PIEZO2: variants seen among roughly 807,000 people sequenced by gnomAD.
The protein encoded by PIEZO2 is piezo type mechanosensitive ion channel component 2, also known as piezo-type mechanosensitive ion channel component 2.
In PIEZO2, 172 loss-of-function variants were observed where a neutral mutation model predicts 337.3. The ratio of observed to expected loss-of-function variants is 0.51; its 90% CI spans 0.45 to 0.58. PIEZO2 has a LOEUF of 0.58. PIEZO2 is among the 20% of genes least tolerant of loss of function. The probability of loss-of-function intolerance (pLI) is 0.00; values close to 1 mark genes in which losing one functional copy is unlikely to be tolerated. For synonymous variants in PIEZO2, 1,251 were observed against 1,228.5 expected (o/e 1.02, Z -0.38); for missense variants, 3,028 against 3,391.3 (o/e 0.89, Z 2.66).
At chr18:10,747,348 G>A (rs920084251) in intron 30 of PIEZO2, among the ~76,000 whole-genome samples, 1 of 152,114 alleles carries the variant, frequency 6.6e-6, no homozygotes, top group Non-Finnish European at 1.5e-5. Context: ...GTTTTCAAGC[G>A]GAAGTCATCA....
intron 1 of PIEZO2, among the ~76,000 whole-genome samples, chr18:11,067,115 C>G (rs767706696): frequency 6.6e-6 from 1 of 152,012 alleles, no homozygotes; most frequent in Non-Finnish European, 1.5e-5. Flanking sequence ...AATGAAAAAA[C>G]TGAAGTACAA....
intron 4 of PIEZO2, among the ~76,000 whole-genome samples, chr18:10,892,464 C>G (rs1399935610): frequency 4.6e-5 from 7 of 151,994 alleles, no homozygotes; most frequent in Admixed American, 4.6e-4. Context: ...GTGGTTGCCA[C>G]GGGCTGGGGG....
intron 47 of PIEZO2, among the ~76,000 whole-genome samples, chr18:10,691,800 T>G (rs5823113): frequency 0.49 from 44,018 of 89,752 alleles, 9,678 homozygotes; most frequent in Non-Finnish European, 0.53. Flanking sequence ...TATATATATA[T>G]AGAGAGAGAG....
rs1316311622 is a variant in PIEZO2, at chr18:11,104,788, G to A, written c.65-38566C>T. Among the ~76,000 whole-genome samples the A allele has an allele frequency of 6.6e-6, 1 of 152,148 alleles. No individual in the cohort carries two copies. Among genetic ancestry groups the A allele is most frequent in the Non-Finnish European group, 1.5e-5 (1 of 68,024 alleles). ...GACATAACTACAATGCAGTATAACGGCGCCTGCTTCTCTTGGGGACCACTC... is the reference window on the plus strand; with the variant it reads ...GACATAACTACAATGCAGTATAACGACGCCTGCTTCTCTTGGGGACCACTC... On this transcript the variant is annotated intron_variant, in intron 1 of 55. Coordinates refer to ENST00000674853, the MANE Select transcript of PIEZO2 (RefSeq NM_001378183.1). This position sits in a 1 kb window ranked among gnomAD's most constrained non-coding sequence, Gnocchi z 4.6.
rs2032765128 is a variant in PIEZO2, at chr18:10,942,203, G to A, written c.287-30975C>T. On this transcript the variant is annotated intron_variant, in intron 3 of 55. Transcript: ENST00000674853. The surrounding 1 kb of genome is among the most constrained non-coding windows in gnomAD (Gnocchi z 4.4). ...TTCAGTAAATTGGTACCAGTAGGGT[G>A]GGGCGCTGCTGAAAAGATATCCCAA... Among the ~76,000 whole-genome samples the A allele has an allele frequency of 1.3e-5, 2 of 152,176 alleles. No individual in the cohort carries two copies. Among genetic ancestry groups the A allele is most frequent in the Non-Finnish European group, 2.9e-5 (2 of 68,030 alleles).
At chr18:10,864,805 C>T (rs1568142997) in intron 5 of PIEZO2, among the ~76,000 whole-genome samples, 1 of 152,006 alleles carries the variant, frequency 6.6e-6, no homozygotes, top group African/African-American at 2.4e-5. Flanking sequence ...TGGAGAAGAA[C>T]ATCTGTGCAA....
At chr18:10,976,430 T>C (rs2034443499) in intron 3 of PIEZO2, among the ~76,000 whole-genome samples, 1 of 152,240 alleles carries the variant, frequency 6.6e-6, no homozygotes, top group Admixed American at 6.5e-5. Context: ...CTCAAGTTTT[T>C]CTTTTTTCAC....
intron 4 of PIEZO2, among the ~76,000 whole-genome samples, chr18:10,876,346 C>T (rs570005115): frequency 1.3e-5 from 2 of 152,288 alleles, no homozygotes; most frequent in East Asian, 3.9e-4. Flanking sequence ...CCATTTCTTA[C>T]CAGTTTCTTC....
intron 3 of PIEZO2, among the ~76,000 whole-genome samples, chr18:10,939,729 GACACAGGGAGGGGA>G (rs1336134508): frequency 2.0e-5 from 3 of 152,140 alleles, no homozygotes; most frequent in Non-Finnish European, 2.9e-5. Flanking sequence ...AGAACACATG[GACACAGGGAGGGGA>G]ACAGCACACA....
At chr18:10,697,603 A>G in intron 45 of PIEZO2, 145 bp downstream of exon 45, 2 of 1,090,146 alleles carry the variant, frequency 1.8e-6, no homozygotes, top group East Asian at 2.5e-5. Context: ...AAACAAGACA[A>G]AAAGGGGTAA....
intron 2 of PIEZO2, among the ~76,000 whole-genome samples, chr18:11,015,400 T>C (rs1303224743): frequency 9.9e-5 from 15 of 152,194 alleles, no homozygotes; most frequent in Admixed American, 9.8e-4. Flanking sequence ...CAAACCTCCC[T>C]GATTTCATGG....
chr18:10,908,520 A>G, intron 4 of PIEZO2: 1 of 152,260 alleles, frequency 6.6e-6, no homozygotes, highest in East Asian at 1.9e-4. Context: ...GAAAAAAGAC[A>G]AGCCATATAT....
chr18:11,057,188 C>T (rs539567814), intron 2 of PIEZO2, among the ~76,000 whole-genome samples: 1 of 152,088 alleles, frequency 6.6e-6, no homozygotes, highest in Non-Finnish European at 1.5e-5. Flanking sequence ...TTCATGCTGC[C>T]CCTTTGGCTC....
chr18:10,927,234 TTTA>T (rs2031797100), intron 3 of PIEZO2, among the ~76,000 whole-genome samples: 1 of 152,110 alleles, frequency 6.6e-6, no homozygotes, highest in Non-Finnish European at 1.5e-5. Flanking sequence ...CCTATTTTAT[TTTA>T]TTATTATTAT....
chr18:10,966,934 T>C (rs1267342695), intron 3 of PIEZO2, among the ~76,000 whole-genome samples: 1 of 152,094 alleles, frequency 6.6e-6, no homozygotes, highest in Non-Finnish European at 1.5e-5. Flanking sequence ...TCTAGGTTGA[T>C]GCAAATGCCA....
At position 10,828,651 on chromosome 18, in the gene PIEZO2, AT is replaced by A. The variant is rs1436410856; in HGVS notation, c.918-21378del. ...CTTCTCATACCAAATCCTTATGCCA[AT>A]AATAGCACCATGCGGGTGGCAATAC... On this transcript the variant is annotated intron_variant, in intron 7 of 55. Transcript: ENST00000674853. The surrounding 1 kb of genome is among the most constrained non-coding windows in gnomAD (Gnocchi z 4.1). 6.6e-6 allele frequency among the ~76,000 whole-genome samples: 1 copy of A among 152,218 alleles called. No homozygotes were observed. The highest frequency in any genetic ancestry group is 6.5e-5 in the Admixed American group (1 of 15,286).
At chr18:10,675,315 A>ATTACGTTTTAGTTGTTT (rs753087136) in intron 53 of PIEZO2, 27 bp from the exon 54 acceptor site, 15 of 1,366,378 alleles carry the variant, frequency 1.1e-5, no homozygotes, top group Non-Finnish European at 1.5e-5. Context: ...AAAAGATACA[A>ATTACGTTTTAGTTGTTT]TTACGTTTTA....
At chr18:11,041,371 G>A (rs1246312855) in intron 2 of PIEZO2, among the ~76,000 whole-genome samples, 1 of 152,204 alleles carries the variant, frequency 6.6e-6, no homozygotes, top group Non-Finnish European at 1.5e-5. Context: ...ACCGAGCTCA[G>A]AAGCTGTGAA....
chr18:10,700,069 T>C (rs557380541), intron 43 of PIEZO2, among the ~76,000 whole-genome samples: 3 of 151,494 alleles, frequency 2.0e-5, no homozygotes, highest in Admixed American at 2.0e-4. Context: ...TGTATTCTTA[T>C]AAACATAACA....
Sources: allele counts gnomAD v4.1 joint callset (sites outside exome capture counted in the v4.1 genomes callset), GRCh38; gene constraint gnomAD v4.1.1; non-coding constraint Gnocchi (gnomAD v3.1); transcripts MANE v1.5; gene names NCBI Gene and HGNC (gene_info 2026-07-23, HGNC 2026-07-21).